The following ZMYM2 variants were observed in gnomAD, a reference collection of about 807,000 sequenced individuals.
The protein encoded by ZMYM2 is zinc finger MYM-type protein 2.
ZMYM2 carries 56 observed loss-of-function variants against 162.8 expected under a neutral mutation model. That is an observed-to-expected ratio of 0.34 (90% CI 0.28 to 0.43). ZMYM2 has a LOEUF of 0.43. Among genes scored for constraint, ZMYM2 ranks in the 20% least tolerant of loss-of-function variants. The pLI is 1.00. For missense variants in ZMYM2, 1,275 were observed against 1,621.8 expected (o/e 0.79, Z 3.67); for synonymous variants, 510 against 541.6 (o/e 0.94, Z 0.81).
At chr13:19,924,056 C>T in the ZMYM2 span, among the ~76,000 whole-genome samples, 4 of 152,234 alleles carry the variant, frequency 2.6e-5, no homozygotes, top group East Asian at 5.8e-4. Flanking sequence ...CACTTTGTAA[C>T]TATCATAACA....
At chr13:19,885,393 C>G in the ZMYM2 span, among the ~76,000 whole-genome samples, 1 of 152,180 alleles carries the variant, frequency 6.6e-6, no homozygotes, top group East Asian at 1.9e-4. Flanking sequence ...TGTGCACTGT[C>G]CCATCTTTCT....
At chr13:19,905,915 A>G in the ZMYM2 span, among the ~76,000 whole-genome samples, 1 of 151,914 alleles carries the variant, frequency 6.6e-6, no homozygotes, top group African/African-American at 2.4e-5. Flanking sequence ...CCACAGTGGG[A>G]GGATTGCCTC....
chr13:19,909,569 A>G, the ZMYM2 span, among the ~76,000 whole-genome samples: 3 of 151,752 alleles, frequency 2.0e-5, no homozygotes, highest in African/African-American at 7.3e-5. Context: ...AGTAGCCAGG[A>G]TTACAGGCAC....
intron 2 of ZMYM2, among the ~76,000 whole-genome samples, chr13:19,975,909 G>T (rs946130004): frequency 9.2e-6 from 1 of 108,242 alleles, no homozygotes. Flanking sequence ...TGTATGTAGA[G>T]CTGGAGTCTT....
rs1956081984 is a variant in ZMYM2, at chr13:20,059,648, A to G, written c.2739+86A>G. ...GTGTACAGTTGACCCTTGAACAACA[A>G]GAGTTTGAACTCCATGCATCCACAT... On this transcript the variant is annotated intron_variant, in intron 16 of 24. Transcript: ENST00000610343. 8.2e-6 allele frequency: 6 copies of G among 728,024 alleles called. No homozygotes were observed. The Admixed American group carries it at 1.1e-4, about 14-fold the overall frequency. The allele number at this position is 728,024 out of a possible 1,614,324, so 45.1% of individuals were successfully genotyped here.
chr13:20,059,032 G>T lies in ZMYM2; in HGVS notation c.2623+328G>T, dbSNP rs1224611253. 9.6e-6 allele frequency: 4 copies of T among 416,780 alleles called. No individual in the cohort carries two copies. In the East Asian group the frequency reaches 1.7e-4, roughly 18 times the overall value. The allele number at this position is 416,780 out of a possible 1,614,324, so 25.8% of individuals were successfully genotyped here. On this transcript the variant is annotated intron_variant, in intron 15 of 24. Coordinates refer to ENST00000610343, the MANE Select transcript of ZMYM2 (RefSeq NM_197968.4). The stretch of plus-strand genomic sequence containing the variant: ...ATCTCTTTGCATGTGGTTTGTAATG[G>T]TAACAGTTCTGTTTCCTTCCTGTCA...
intron 2 of ZMYM2, chr13:19,965,321 A>G (rs1158935535): frequency 8.6e-7 from 1 of 1,161,298 alleles, no homozygotes; most frequent in Non-Finnish European, 1.1e-6. Context: ...TTGTTACTTA[A>G]CATTAAAAAA....
At chr13:19,976,199 G>A (rs1439378991) in intron 2 of ZMYM2, among the ~76,000 whole-genome samples, 14 of 151,376 alleles carry the variant, frequency 9.2e-5, no homozygotes, top group Non-Finnish European at 1.6e-4. Context: ...GTGCTGGCGC[G>A]TGCCTGTAGT....
chr13:19,918,964 G>A, the ZMYM2 span, among the ~76,000 whole-genome samples: 1 of 152,070 alleles, frequency 6.6e-6, no homozygotes, highest in East Asian at 1.9e-4. Context: ...ACATTGAACT[G>A]TTCTATCACC....
At chr13:19,897,240 A>C in the ZMYM2 span, among the ~76,000 whole-genome samples, 1 of 152,204 alleles carries the variant, frequency 6.6e-6, no homozygotes, top group Non-Finnish European at 1.5e-5. Flanking sequence ...CACAGAAAAC[A>C]ACAAAAGGCA....
chr13:19,993,966 T>G (rs753808350), intron 3 of ZMYM2, 47 bp downstream of exon 3: 60 of 1,553,278 alleles, frequency 3.9e-5, no homozygotes, highest in Non-Finnish European at 5.0e-5. Flanking sequence ...ATTTAAACTT[T>G]TGGCTGCTGC....
At chr13:20,022,100 GT>G (rs759460244) in intron 7 of ZMYM2, among the ~76,000 whole-genome samples, 4 of 152,162 alleles carry the variant, frequency 2.6e-5, no homozygotes, top group Non-Finnish European at 2.9e-5. Flanking sequence ...GCTACCTTGT[GT>G]GTAGAGTTTG....
At chr13:19,931,444 C>T in the ZMYM2 span, among the ~76,000 whole-genome samples, 4 of 151,968 alleles carry the variant, frequency 2.6e-5, no homozygotes, top group African/African-American at 7.3e-5. Context: ...TGGATTTCAC[C>T]GTCCTAAAAA....
intron 12 of ZMYM2, among the ~76,000 whole-genome samples, chr13:20,048,360 A>G (rs1462613124): frequency 6.6e-6 from 1 of 151,924 alleles, no homozygotes; most frequent in African/African-American, 2.4e-5. Context: ...CCTTAAATAT[A>G]TATTTTTGGT....
At chr13:19,984,851 C>A (rs1239861020) in intron 2 of ZMYM2, among the ~76,000 whole-genome samples, 1 of 152,192 alleles carries the variant, frequency 6.6e-6, no homozygotes, top group Non-Finnish European at 1.5e-5. Flanking sequence ...TTTTAGGCTA[C>A]ACTATTTTCT....
chr13:19,887,968 G>A, the ZMYM2 span, among the ~76,000 whole-genome samples: 2 of 150,444 alleles, frequency 1.3e-5, no homozygotes, highest in Non-Finnish European at 2.9e-5. Context: ...TGCAACCTCC[G>A]CCTTCCGGGT....
chr13:19,944,605 T>G, the ZMYM2 span, among the ~76,000 whole-genome samples: 1 of 152,192 alleles, frequency 6.6e-6, no homozygotes, highest in East Asian at 1.9e-4. Flanking sequence ...TGGAGGCTAC[T>G]TGAGCAGGTA....
intron 21 of ZMYM2, among the ~76,000 whole-genome samples, chr13:20,081,800 G>A (rs533245672): frequency 6.6e-6 from 1 of 151,938 alleles, no homozygotes; most frequent in Admixed American, 6.5e-5. Flanking sequence ...TCTGGGGTGT[G>A]TATTTCAGCT....
rs867970982 is a variant in ZMYM2 at position 20,082,144 on chromosome 13, C to T, written c.3568+14C>T. 1.3e-6 allele frequency: 2 copies of T among 1,545,004 alleles called. No individual in the cohort carries two copies. Among genetic ancestry groups the T allele is most frequent in the African/African-American group, 2.7e-5 (2 of 72,952 alleles). Reference sequence around the variant, plus strand: ...TACTTCCAGATGGTAATGCTATTTTCACTAAAGGTGTTGCTCTCTTGATAT... The same window carrying T: ...TACTTCCAGATGGTAATGCTATTTTTACTAAAGGTGTTGCTCTCTTGATAT... On this transcript the variant is annotated intron_variant, in intron 22 of 24. Transcript: ENST00000610343.
Sources: allele counts gnomAD v4.1 joint callset (sites outside exome capture counted in the v4.1 genomes callset), GRCh38; gene constraint gnomAD v4.1.1; transcripts MANE v1.5; gene names NCBI Gene and HGNC (gene_info 2026-07-23, HGNC 2026-07-21).